Variants in GCA observed in about 807,000 individuals in gnomAD.
GCA encodes grancalcin.
A neutral mutation model predicts 32.6 loss-of-function variants in GCA; 30 were observed. The ratio of observed to expected loss-of-function variants is 0.92; its 90% CI spans 0.69 to 1.25. The LOEUF is 1.25. Among genes scored for constraint, GCA ranks in the 50% most tolerant of loss-of-function variants. The pLI is 0.00. For synonymous variants in GCA, 102 were observed against 84.6 expected (o/e 1.21, Z -1.13); for missense variants, 291 against 266.8 (o/e 1.09, Z -0.63).
intron 1 of GCA, among the ~76,000 whole-genome samples, chr2:162,333,149 A>G (rs1005668842): frequency 3.3e-5 from 5 of 152,060 alleles, no homozygotes; most frequent in Admixed American, 1.3e-4. Flanking sequence ...TCATAGAATC[A>G]AATGCTAAAA....
At chr2:162,373,724 TA>T (rs1686051161), downstream of GCA, 2 of 1,238,968 alleles carry the variant, frequency 1.6e-6, no homozygotes, top group Non-Finnish European at 2.1e-6. Flanking sequence ...CAGGAGCATT[TA>T]AAAAAATTTC....
chr2:162,365,490 C>T (rs1177561555), downstream of GCA, among the ~76,000 whole-genome samples: 1 of 151,558 alleles, frequency 6.6e-6, no homozygotes, highest in Non-Finnish European at 1.5e-5. Context: ...TTTCATGCTA[C>T]ATTATGTGCA....
At chr2:162,343,729 G>A (rs1684525755), upstream of GCA, among the ~76,000 whole-genome samples, 1 of 152,192 alleles carries the variant, frequency 6.6e-6, no homozygotes, top group African/African-American at 2.4e-5. Context: ...GAAATTCACA[G>A]ATGGGTCTTT....
At chr2:162,344,344 C>A (rs932073416) in intron 1 of GCA, 69 bp downstream of exon 1, 2 of 1,473,036 alleles carry the variant, frequency 1.4e-6, no homozygotes, top group Admixed American at 1.7e-5. Context: ...GCGGTGCCAA[C>A]GTGCGGGTCC....
downstream of GCA, among the ~76,000 whole-genome samples, chr2:162,373,986 CTT>C (rs1375833424): frequency 3.3e-5 from 5 of 152,022 alleles, no homozygotes; most frequent in African/African-American, 1.2e-4. Flanking sequence ...CAGTAATTGT[CTT>C]TGCTTTTTAA....
chr2:162,347,977 C>T (rs936210445), intron 2 of GCA, among the ~76,000 whole-genome samples: 17 of 151,962 alleles, frequency 1.1e-4, no homozygotes, highest in African/African-American at 4.8e-5. Flanking sequence ...CATTGTTTTC[C>T]ATAGTGCGGA....
chr2:162,353,610 G>T (rs992588257), intron 3 of GCA, among the ~76,000 whole-genome samples: 1 of 152,176 alleles, frequency 6.6e-6, no homozygotes, highest in Non-Finnish European at 1.5e-5. Flanking sequence ...TAAAGGTATT[G>T]CTCCATTGTT....
exon 1 of GCA, chr2:162,319,069 T>C: frequency 2.3e-6 from 1 of 442,718 alleles, no homozygotes; most frequent in Middle Eastern, 4.0e-4. Flanking sequence ...TAGGCAGGCC[T>C]GGCTGAGGGT....
At chr2:162,354,345 C>T (rs1239557092) in intron 3 of GCA, among the ~76,000 whole-genome samples, 2 of 152,056 alleles carry the variant, frequency 1.3e-5, no homozygotes, top group Non-Finnish European at 2.9e-5. Context: ...TGACCTTCTG[C>T]CTGGAAAGGA....
At chr2:162,325,995 G>C (rs933359261) in intron 1 of GCA, among the ~76,000 whole-genome samples, 1 of 152,110 alleles carries the variant, frequency 6.6e-6, no homozygotes, top group African/African-American at 2.4e-5. Context: ...TTTCTAGGAG[G>C]GGGCAAGTGA....
At chr2:162,336,678 G>T (rs533308321) in intron 1 of GCA, among the ~76,000 whole-genome samples, 51 of 152,126 alleles carry the variant, frequency 3.4e-4, no homozygotes, top group Admixed American at 5.2e-4. Flanking sequence ...TAGCCTAGTT[G>T]CTCAGTGAAA....
rs1685427068 is a variant in GCA at position 162,359,064 on chromosome 2, A to T, written c.475A>T (p.Thr159Ser). The part of the protein sequence containing the change: ...GLMGYRLSPQ[T>S]LTTIVKRYSK... ...TTTAGGTTATAGGTTGAGTCCTCAA[A>T]CATTAACTACTATTGTTAAACGTTA... The change falls in exon 6 of 8, where the codon ACA becomes TCA. Residue 159 changes from threonine to serine, a missense_variant. Transcript: ENST00000437150. The T allele has an allele frequency of 6.3e-7, 1 of 1,578,762 alleles. No individual in the cohort carries two copies. Among genetic ancestry groups the T allele is most frequent in the African/African-American group, 1.4e-5 (1 of 73,924 alleles).
intron 1 of GCA, among the ~76,000 whole-genome samples, chr2:162,321,902 A>G (rs1203996244): frequency 1.9e-5 from 2 of 104,212 alleles, no homozygotes; most frequent in Admixed American, 1.1e-4. Context: ...ATATATATAT[A>G]TATATATATA....
downstream of GCA, among the ~76,000 whole-genome samples, chr2:162,372,409 G>A (rs193004766): frequency 6.0e-4 from 91 of 152,166 alleles, no homozygotes; most frequent in African/African-American, 2.0e-3. Flanking sequence ...AGACAAATTG[G>A]GATGAGGAAT....
rs748134652 is a variant in GCA, at chr2:162,361,360, T to C, written c.*1117T>C. 4.0e-5 allele frequency: 39 copies of C among 978,212 alleles called. No homozygotes were observed. Among genetic ancestry groups the C allele is most frequent in the Middle Eastern group, 5.2e-4 (1 of 1,924 alleles). 60.6% of individuals were successfully genotyped at this position (978,212 alleles called of 1,614,324 possible). ...GATGTTATAATTAATGTAATTTCTT[T>C]CTTGGCAAACACCTCATGTCTGTCT... On this transcript the variant is annotated 3_prime_UTR_variant, in exon 8 of 8. Coordinates refer to ENST00000437150, the MANE Select transcript of GCA (RefSeq NM_012198.5).
intron 2 of GCA, among the ~76,000 whole-genome samples, chr2:162,348,243 A>G (rs1421961594): frequency 1.3e-5 from 2 of 152,178 alleles, no homozygotes; most frequent in Non-Finnish European, 2.9e-5. Context: ...AAAAATGACT[A>G]TTGGAAATTT....
intron 1 of GCA, among the ~76,000 whole-genome samples, chr2:162,344,954 G>T (rs1558892894): frequency 3.3e-5 from 5 of 152,110 alleles, no homozygotes; most frequent in Admixed American, 3.3e-4. Context: ...GATCCATTGC[G>T]GTGTGGGTAG....
At chr2:162,363,207 A>G (rs1685649748), downstream of GCA, among the ~76,000 whole-genome samples, 1 of 151,444 alleles carries the variant, frequency 6.6e-6, no homozygotes, top group East Asian at 1.9e-4. Context: ...TAATTAATAG[A>G]AATAAATTTG....
chr2:162,367,064 A>T (rs911173651), downstream of GCA, among the ~76,000 whole-genome samples: 1 of 151,902 alleles, frequency 6.6e-6, no homozygotes, highest in African/African-American at 2.4e-5. Context: ...AAGCATTTCT[A>T]CTTATATTTT....
Sources: allele counts gnomAD v4.1 joint callset (sites outside exome capture counted in the v4.1 genomes callset), GRCh38; gene constraint gnomAD v4.1.1; transcripts MANE v1.5; gene names NCBI Gene and HGNC (gene_info 2026-07-23, HGNC 2026-07-21).